Variants in RGS6 observed in about 807,000 individuals in gnomAD.
RGS6 encodes the protein regulator of G protein signaling 6.
A neutral mutation model predicts 78.5 loss-of-function variants in RGS6; 30 were observed. The ratio of observed to expected loss-of-function variants is 0.38; its 90% CI spans 0.29 to 0.52. The LOEUF (loss-of-function observed/expected upper bound fraction) is 0.52. RGS6 is among the 20% of genes least tolerant of loss of function. RGS6 has a pLI of 0.85. For missense variants in RGS6, 495 were observed against 609.7 expected (o/e 0.81, Z 1.98); for synonymous variants, 206 against 206.0 (o/e 1.00, Z 0.00).
At chr14:72,075,577 C>T (rs192146885) in intron 2 of RGS6, among the ~76,000 whole-genome samples, 52 of 152,148 alleles carry the variant, frequency 3.4e-4, no homozygotes, top group African/African-American at 1.2e-3. Flanking sequence ...AAAAGAGAGG[C>T]AGTAAAGGAC....
intron 2 of RGS6, among the ~76,000 whole-genome samples, chr14:72,058,325 CTCTT>C (rs1433089466): frequency 6.6e-6 from 1 of 152,186 alleles, no homozygotes. Flanking sequence ...CATCCACACT[CTCTT>C]TCCAGTGTTA....
chr14:72,556,255 A>AATC (rs1160362876), intron 17 of RGS6, among the ~76,000 whole-genome samples: 2 of 152,274 alleles, frequency 1.3e-5, no homozygotes, highest in African/African-American at 4.8e-5. Flanking sequence ...GGAAACTTAC[A>AATC]ATCATGGTGG....
At chr14:72,444,836 T>A (rs566287721) in intron 3 of RGS6, among the ~76,000 whole-genome samples, 3 of 152,036 alleles carry the variant, frequency 2.0e-5, no homozygotes, top group African/African-American at 7.3e-5. Context: ...GGGCCCAAAA[T>A]CGTATTTGCT....
chr14:72,491,750 G>T (rs141599537), intron 12 of RGS6, among the ~76,000 whole-genome samples: 1 of 152,130 alleles, frequency 6.6e-6, no homozygotes, highest in Non-Finnish European at 1.5e-5. Flanking sequence ...CTACATGTTG[G>T]GGGCAGAAGT....
chr14:72,317,839 G>T (rs1006024766), intron 2 of RGS6, among the ~76,000 whole-genome samples: 1 of 152,116 alleles, frequency 6.6e-6, no homozygotes, highest in African/African-American at 2.4e-5. Flanking sequence ...ATAGAAAGGG[G>T]AGGTTATTAA....
chr14:72,452,041 C>T (rs1597711898), intron 3 of RGS6, among the ~76,000 whole-genome samples: 1 of 152,170 alleles, frequency 6.6e-6, no homozygotes, highest in Middle Eastern at 3.2e-3. Flanking sequence ...TGAGCCACTG[C>T]GCCTGGCCAG....
intron 2 of RGS6, among the ~76,000 whole-genome samples, chr14:72,288,543 G>A (rs1017514241): frequency 1.3e-5 from 2 of 152,204 alleles, no homozygotes; most frequent in Non-Finnish European, 2.9e-5. Flanking sequence ...CCAGGTTAAA[G>A]AGGAAAGATG....
chr14:72,006,845 C>T (rs578109848), intron 2 of RGS6, among the ~76,000 whole-genome samples: 84 of 152,212 alleles, frequency 5.5e-4, no homozygotes, highest in Middle Eastern at 6.8e-3. Flanking sequence ...GGACTTTGAA[C>T]GAGGCAGCGG....
chr14:72,396,109 C>T (rs186364912), intron 3 of RGS6, among the ~76,000 whole-genome samples: 5,614 of 152,240 alleles, frequency 0.037, 417 homozygotes, highest in East Asian at 0.34. Flanking sequence ...AATCGCCACA[C>T]CAACTTCCAC....
intron 8 of RGS6, 119 bp downstream of exon 8, chr14:72,470,202 C>A: frequency 1.5e-6 from 1 of 682,648 alleles, no homozygotes; most frequent in Non-Finnish European, 2.6e-6. Flanking sequence ...CTAATAGGGC[C>A]TGAGAGCAAC....
chr14:72,325,850 C>A, intron 2 of RGS6, among the ~76,000 whole-genome samples: 1 of 152,036 alleles, frequency 6.6e-6, no homozygotes, highest in Admixed American at 6.5e-5. Flanking sequence ...AAAAAAAAGC[C>A]TGCCAGATTT....
intron 12 of RGS6, among the ~76,000 whole-genome samples, chr14:72,489,643 CAG>C (rs1220534310): frequency 5.3e-5 from 8 of 151,884 alleles, no homozygotes; most frequent in African/African-American, 1.7e-4. Context: ...AAGACAAAGA[CAG>C]AGATGAAAGT....
At chr14:72,060,115 G>A (rs1596844110) in intron 2 of RGS6, among the ~76,000 whole-genome samples, 3 of 152,198 alleles carry the variant, frequency 2.0e-5, no homozygotes, top group Admixed American at 6.5e-5. Context: ...AGGAGATGTC[G>A]GGCCAGGGAC....
chr14:71,952,476 C>T (rs1438041540), intron 1 of RGS6, among the ~76,000 whole-genome samples: 1 of 151,846 alleles, frequency 6.6e-6, no homozygotes, highest in East Asian at 1.9e-4. Context: ...ATCTACCTTT[C>T]TAGATTTTCT....
chr14:72,048,637 C>A (rs2093030792), intron 2 of RGS6, among the ~76,000 whole-genome samples: 1 of 152,058 alleles, frequency 6.6e-6, no homozygotes. Flanking sequence ...ACTAGGTTAG[C>A]TTTCTTACAA....
At chr14:71,874,367 A>C in the RGS6 span, among the ~76,000 whole-genome samples, 1 of 151,950 alleles carries the variant, frequency 6.6e-6, no homozygotes, top group Non-Finnish European at 1.5e-5. Context: ...CATCCCTTGT[A>C]AGTTGGATTC....
At chr14:72,255,048 G>GC (rs2056772900) in intron 2 of RGS6, among the ~76,000 whole-genome samples, 1 of 152,228 alleles carries the variant, frequency 6.6e-6, no homozygotes, top group Non-Finnish European at 1.5e-5. Flanking sequence ...GACACAGCAG[G>GC]CTGTGCTGGG....
At chr14:72,296,503 G>A (rs1044325213) in intron 2 of RGS6, among the ~76,000 whole-genome samples, 2 of 152,050 alleles carry the variant, frequency 1.3e-5, no homozygotes, top group African/African-American at 4.8e-5. Context: ...AATATTATCA[G>A]CCTTTAAAAT....
chr14:72,184,563 A>C (rs775663737), intron 2 of RGS6, among the ~76,000 whole-genome samples: 2 of 152,184 alleles, frequency 1.3e-5, no homozygotes, highest in African/African-American at 2.4e-5. Flanking sequence ...CAAGTAAACT[A>C]TGACTGTTTT....
Sources: gnomAD v4.1 joint callset for allele counts (sites outside exome capture counted in the v4.1 genomes callset) on GRCh38, gnomAD v4.1.1 for gene constraint, MANE v1.5 for transcripts, NCBI Gene and HGNC (gene_info 2026-07-23, HGNC 2026-07-21) for gene names.